POLR1C: variants seen among roughly 807,000 people sequenced by gnomAD.
POLR1C encodes RNA polymerase I and III subunit C.
Under a neutral mutation model 38.3 loss-of-function variants are expected in POLR1C, and 42 were observed. The observed-to-expected ratio is 1.10, with a 90% CI of 0.86 to 1.42. The LOEUF (loss-of-function observed/expected upper bound fraction) is 1.42. Among genes scored for constraint, POLR1C ranks in the 40% most tolerant of loss-of-function variants. POLR1C has a pLI of 0.00. For synonymous variants in POLR1C, 163 were observed against 163.9 expected (o/e 0.99, Z 0.04); for missense variants, 507 against 450.5 (o/e 1.13, Z -1.14).
At chr6:43,548,735 T>G (rs1367862105) in intron 9 of POLR1C, among the ~76,000 whole-genome samples, 1 of 150,672 alleles carries the variant, frequency 6.6e-6, no homozygotes, top group African/African-American at 2.4e-5. Flanking sequence ...TATATATAGA[T>G]ATATATGTAT....
downstream of POLR1C, chr6:43,525,807 G>A (rs2127699310): frequency 6.2e-7 from 1 of 1,611,086 alleles, no homozygotes; most frequent in African/African-American, 1.3e-5. Flanking sequence ...CCTGGGCAAG[G>A]AGTAAAGGTA....
chr6:43,547,720 G>A (rs778500788), intron 9 of POLR1C: 25 of 1,611,962 alleles, frequency 1.6e-5, no homozygotes, highest in Non-Finnish European at 2.0e-5. Context: ...GAAGGTTGGA[G>A]GGGGAAAAAC....
chr6:43,528,750 C>A (rs1793758843), intron 8 of POLR1C: 2 of 1,369,230 alleles, frequency 1.5e-6, no homozygotes, highest in Non-Finnish European at 1.0e-6. Flanking sequence ...CTTCTAGGAG[C>A]TCCTGACTTG....
chr6:43,557,924 C>A (rs1762191361), intron 10 of POLR1C, among the ~76,000 whole-genome samples: 1 of 151,528 alleles, frequency 6.6e-6, no homozygotes, highest in Non-Finnish European at 1.5e-5. Flanking sequence ...GGAGAAACCC[C>A]ATCTCTACCA....
Position 43,559,250 on chromosome 6 carries a change from T to C in POLR1C, c.*49-2150T>C, listed in dbSNP as rs1014936686. Among the ~76,000 whole-genome samples, 43 of 152,114 alleles carry C rather than the reference T, an allele frequency of 2.8e-4. 1 individual carries two copies. The highest frequency in any genetic ancestry group is 5.9e-5 in the Non-Finnish European group (4 of 68,016). ...AGGCAGAGGTTGCAGTGAGCCAAGA[T>C]CGTGCCACTGCACTCCAGCCTCGGT... is the stretch of plus-strand genomic sequence containing the variant. On this transcript the variant is annotated intron_variant, in intron 10 of 10. Transcript: ENST00000607635.
chr6:43,520,003 A>G, intron 4 of POLR1C, 63 bp from the exon 5 acceptor site: 1 of 1,600,150 alleles, frequency 6.2e-7, no homozygotes, highest in Non-Finnish European at 8.5e-7. Flanking sequence ...CACGTAAAGC[A>G]TTCAGCATAG....
downstream of POLR1C, among the ~76,000 whole-genome samples, chr6:43,533,125 ACT>A (rs1261566855): frequency 6.6e-6 from 1 of 151,726 alleles, no homozygotes; most frequent in African/African-American, 2.4e-5. Context: ...ACAGAGTGAG[ACT>A]CTCTCAAGAA....
At chr6:43,556,117 C>T (rs1386059558) in intron 10 of POLR1C, 4 of 1,015,330 alleles carry the variant, frequency 3.9e-6, no homozygotes, top group African/African-American at 1.6e-5. Context: ...CTCAATAAAA[C>T]TTTATTAACG....
At chr6:43,547,635 C>A (rs1245512756) in intron 9 of POLR1C, 1 of 1,613,926 alleles carries the variant, frequency 6.2e-7, no homozygotes, top group African/African-American at 1.3e-5. Context: ...CACACGGATC[C>A]TCCAGGCCTG....
Position 43,551,220 on chromosome 6 carries a change from G to A in POLR1C, c.*48+209G>A, listed in dbSNP as rs774936039. On this transcript the variant is annotated intron_variant, in intron 10 of 10. Transcript: ENST00000607635. ...AGCCTGGGCAATGTAGCAAGATCCTGTCTCCAAAAAAATAAAATAAATAAA... is the reference window on the plus strand; with the variant it reads ...AGCCTGGGCAATGTAGCAAGATCCTATCTCCAAAAAAATAAAATAAATAAA... 16 of 1,393,700 alleles carry A rather than the reference G, an allele frequency of 1.1e-5. No homozygotes were observed. The South Asian group carries it at 1.3e-4, about 12-fold the overall frequency. 86.3% of individuals were successfully genotyped at this position (1,393,700 alleles called of 1,614,324 possible).
intron 4 of POLR1C, 113 bp downstream of exon 4, chr6:43,519,951 C>T: frequency 1.3e-6 from 2 of 1,539,562 alleles, no homozygotes; most frequent in South Asian, 1.2e-5. Context: ...TCTGTGAGAA[C>T]ACTTGCCTTG....
chr6:43,542,196 G>A (rs1436498349), intron 9 of POLR1C, among the ~76,000 whole-genome samples: 1 of 151,792 alleles, frequency 6.6e-6, no homozygotes, highest in Admixed American at 6.6e-5. Context: ...AGAGAAAACT[G>A]GAAAGCCTAC....
chr6:43,517,247 C>T, intron 1 of POLR1C, 59 bp from the exon 2 acceptor site: 2 of 1,605,348 alleles, frequency 1.2e-6, no homozygotes, highest in Non-Finnish European at 1.7e-6. Flanking sequence ...TTGGGATTGG[C>T]GTGGGGATAG....
chr6:43,561,293 G>GA (rs1187097824), intron 10 of POLR1C: 21 of 339,684 alleles, frequency 6.2e-5, no homozygotes, highest in Admixed American at 8.9e-5. Flanking sequence ...ATTACAGAAA[G>GA]AAAAAAAATC....
intron 10 of POLR1C, among the ~76,000 whole-genome samples, chr6:43,561,194 AATC>A (rs578192569): frequency 3.3e-5 from 5 of 152,240 alleles, no homozygotes; most frequent in Middle Eastern, 6.8e-3. Flanking sequence ...TTGCCTACTC[AATC>A]ATCATCATTA....
chr6:43,519,068 T>C (rs1793001060), intron 2 of POLR1C: 2 of 509,328 alleles, frequency 3.9e-6, no homozygotes, highest in Non-Finnish European at 7.1e-6. Flanking sequence ...CTATGGTAGT[T>C]TCTGTTCTTC....
chr6:43,519,524 G>C, intron 3 of POLR1C, 84 bp downstream of exon 3: 2 of 1,354,660 alleles, frequency 1.5e-6, no homozygotes, highest in East Asian at 4.6e-5. Context: ...GTCTCAAGCT[G>C]TCCTTCCCTC....
rs565103369 is a variant in POLR1C, at chr6:43,541,608, G to A, written c.*5-9360G>A. The stretch of plus-strand genomic sequence containing the variant: ...TACACTTTCTTCTCCTCTCCAACCT[G>A]AGGCAATCGCCAATGTACTTTCTGT... On this transcript the variant is annotated intron_variant, in intron 9 of 10. Coordinates refer to the POLR1C transcript ENST00000607635. Among the ~76,000 whole-genome samples the A allele has an allele frequency of 6.6e-5, 10 of 151,482 alleles. 1 individual carries two copies. The highest frequency in any genetic ancestry group is 2.0e-4 in the African/African-American group (8 of 40,826).
exon 9 of POLR1C, chr6:43,529,378 TAAAAAAAAAAAAA>T: frequency 8.2e-6 from 1 of 121,292 alleles, no homozygotes; most frequent in Non-Finnish European, 1.5e-5. Flanking sequence ...CCGTCTCTAC[TAAAAAAAAAAAAA>T]AAAAAAAAAA....
Sources: gnomAD v4.1 joint callset for allele counts (sites outside exome capture counted in the v4.1 genomes callset) on GRCh38, gnomAD v4.1.1 for gene constraint, MANE v1.5 for transcripts, NCBI Gene and HGNC (gene_info 2026-07-23, HGNC 2026-07-21) for gene names.